Variants in XPO1 observed in about 807,000 individuals in gnomAD.
XPO1 encodes the protein exportin-1.
XPO1 carries 5 observed loss-of-function variants against 133.3 expected under a neutral mutation model. The ratio of observed to expected loss-of-function variants is 0.04; its 90% confidence interval spans 0.02 to 0.08. The LOEUF (loss-of-function observed/expected upper bound fraction) is 0.08, where lower values mean the gene tolerates loss of function less well. Among genes scored for constraint, XPO1 ranks in the 10% least tolerant of loss-of-function variants. The probability of loss-of-function intolerance (pLI) is 1.00; values close to 1 mark genes in which losing one functional copy is unlikely to be tolerated. For synonymous variants in XPO1, 419 were observed against 408.2 expected (o/e 1.03, Z -0.32); for missense variants, 506 against 1,267.5 (o/e 0.40, Z 9.12).
intron 4 of XPO1, among the ~76,000 whole-genome samples, chr2:61,515,139 A>C (rs566413978): frequency 2.0e-5 from 3 of 152,032 alleles, no homozygotes; most frequent in African/African-American, 7.2e-5. Flanking sequence ...CAACAAGCAC[A>C]TGTGAAGAGG....
intron 24 of XPO1, among the ~76,000 whole-genome samples, chr2:61,479,857 CCAGA>C (rs1665120634): frequency 2.0e-5 from 3 of 152,040 alleles, no homozygotes; most frequent in Admixed American, 1.3e-4. Context: ...GCCACTGCAC[CCAGA>C]CACTTTTTTC....
At position 61,478,272 on chromosome 2, in the gene XPO1, T is replaced by C. The variant is rs750141119; in HGVS notation, c.*548A>G. On this transcript the variant is annotated 3_prime_UTR_variant, in exon 25 of 25. Coordinates refer to ENST00000401558, the MANE Select transcript of XPO1 (RefSeq NM_003400.4). ...GAAGTCGCTTTACAATGGGATGATA[T>C]GCACATGATCTTGCTGCAATCTTGC... 71 of 233,822 alleles carry C rather than the reference T, an allele frequency of 3.0e-4. No individual in the cohort carries two copies. Among genetic ancestry groups the C allele is most frequent in the Middle Eastern group, 2.5e-3 (2 of 786 alleles). The allele number at this position is 233,822 out of a possible 1,614,324, so 14.5% of individuals were successfully genotyped here. A position where few individuals can be genotyped will look rare whatever the true frequency, so the allele number is the denominator to read the frequency against.
chr2:61,532,567 G>C (rs554069683), intron 2 of XPO1, among the ~76,000 whole-genome samples: 1 of 151,990 alleles, frequency 6.6e-6, no homozygotes, highest in Non-Finnish European at 1.5e-5. Flanking sequence ...GCCAGGCGCG[G>C]TGGCTCATGC....
At chr2:61,499,000 A>C (rs1697374435) in intron 7 of XPO1, 87 bp from the exon 8 acceptor site, 1 of 1,401,578 alleles carries the variant, frequency 7.1e-7, no homozygotes, top group East Asian at 2.5e-5. Context: ...AAATGATTAA[A>C]GCCCAGTACA....
chr2:61,521,193 A>T (rs1030666540), intron 4 of XPO1, among the ~76,000 whole-genome samples: 6 of 152,152 alleles, frequency 3.9e-5, no homozygotes, highest in Non-Finnish European at 5.9e-5. Context: ...TAATATTCTT[A>T]AAAAAAGACA....
At chr2:61,494,147 T>A in intron 11 of XPO1, 56 bp from the exon 12 acceptor site, 1 of 1,504,654 alleles carries the variant, frequency 6.6e-7, no homozygotes, top group Non-Finnish European at 9.1e-7. Flanking sequence ...AACTTCAAAT[T>A]GCTTTTCACT....
chr2:61,523,736 A>G (rs950183352), intron 3 of XPO1, among the ~76,000 whole-genome samples: 4 of 152,222 alleles, frequency 2.6e-5, no homozygotes, highest in African/African-American at 9.6e-5. Context: ...CAAAGGGATC[A>G]TGTGAATGCT....
intron 10 of XPO1, among the ~76,000 whole-genome samples, chr2:61,496,133 A>G (rs1558643668): frequency 6.6e-6 from 1 of 152,204 alleles, no homozygotes; most frequent in South Asian, 2.1e-4. Context: ...AAATTTTTCT[A>G]GTATTTCTCA....
Position 61,482,891 on chromosome 2 carries a change from G to C in XPO1, c.2812+66C>G, listed in dbSNP as rs749885740. 5 of 1,588,726 alleles carry C rather than the reference G, an allele frequency of 3.1e-6. No homozygotes were observed. The African/African-American group carries it at 6.8e-5, about 22-fold the overall frequency. Reference sequence around the variant, plus strand: ...CCCCGCCTCGACCTCCCAAAGTGCTGGGATTATAGGCGTGAGGCCCTGTGC... The same window carrying C: ...CCCCGCCTCGACCTCCCAAAGTGCTCGGATTATAGGCGTGAGGCCCTGTGC... On this transcript the variant is annotated intron_variant, in intron 22 of 24. Coordinates refer to ENST00000401558, the MANE Select transcript of XPO1 (RefSeq NM_003400.4).
chr2:61,479,504 A>G (rs1696229102), intron 24 of XPO1, among the ~76,000 whole-genome samples: 1 of 152,196 alleles, frequency 6.6e-6, no homozygotes, highest in Non-Finnish European at 1.5e-5. Context: ...ATAGTCTTCA[A>G]TGTGATTATT....
chr2:61,512,466 G>C (rs1698142382), intron 4 of XPO1, among the ~76,000 whole-genome samples: 1 of 152,180 alleles, frequency 6.6e-6, no homozygotes, highest in Admixed American at 6.5e-5. Flanking sequence ...TTGCAAAATT[G>C]AGGTGTTTTC....
At chr2:61,537,244 C>G (rs1175643867) in intron 1 of XPO1, 1 of 151,474 alleles carries the variant, frequency 6.6e-6, no homozygotes, top group Non-Finnish European at 1.5e-5. Flanking sequence ...GCCCCAGGGG[C>G]TGGGGAACCC....
intron 2 of XPO1, among the ~76,000 whole-genome samples, chr2:61,533,278 T>A (rs1433239855): frequency 1.3e-5 from 2 of 152,180 alleles, no homozygotes; most frequent in Non-Finnish European, 2.9e-5. Context: ...TTTAGTTGGG[T>A]TCAAAAAAAC....
chr2:61,515,069 TA>T lies in XPO1; in HGVS notation c.301+7541del, dbSNP rs10638897. ...GGGCGACAGAGTAGTGTGACTGTCT[TA>T]AAAAAAAAAAAAAAAAAATCCACAC... is the stretch of plus-strand genomic sequence containing the variant. On this transcript the variant is annotated intron_variant, in intron 4 of 24. Transcript: ENST00000401558. Among the ~76,000 whole-genome samples the T allele has an allele frequency of 3.9e-3, 503 of 127,348 alleles. 1 individual carries two copies. Among genetic ancestry groups the T allele is most frequent in the African/African-American group, 0.011 (373 of 33,462 alleles). 83.5% of individuals were successfully genotyped at this position (127,348 alleles called of 152,430 possible).
intron 4 of XPO1, among the ~76,000 whole-genome samples, chr2:61,507,243 C>CAAAAAAAAAAAAAAAAA (rs55737388): frequency 1.5e-5 from 1 of 65,498 alleles, no homozygotes; most frequent in African/African-American, 6.5e-5. Flanking sequence ...GACTCCATCT[C>CAAAAAAAAAAAAAAAAA]AAAAAAAAAA....
intron 1 of XPO1, among the ~76,000 whole-genome samples, chr2:61,535,936 C>G (rs1219281903): frequency 3.3e-5 from 5 of 152,100 alleles, no homozygotes; most frequent in African/African-American, 1.2e-4. Flanking sequence ...AAGCAATGTC[C>G]ACAAAGCACC....
intron 2 of XPO1, 31 bp downstream of exon 2, chr2:61,533,741 A>ACG (rs1699255932): frequency 6.5e-7 from 1 of 1,545,192 alleles, no homozygotes; most frequent in African/African-American, 1.4e-5. Flanking sequence ...ACACTGTCAT[A>ACG]ATGTTATAAA....
intron 18 of XPO1, 115 bp downstream of exon 18, chr2:61,488,473 T>C: frequency 1.6e-6 from 2 of 1,229,092 alleles, no homozygotes; most frequent in Non-Finnish European, 2.3e-6. Context: ...TAGGGTCATT[T>C]GGGAAATGGG....
intron 23 of XPO1, among the ~76,000 whole-genome samples, chr2:61,481,594 G>C (rs1408094432): frequency 1.1e-3 from 164 of 150,492 alleles, no homozygotes; most frequent in Non-Finnish European, 1.2e-3. Flanking sequence ...TTACAGGCAT[G>C]CACCACCATG....
Sources: allele counts gnomAD v4.1 joint callset (sites outside exome capture counted in the v4.1 genomes callset), GRCh38; gene constraint gnomAD v4.1.1; transcripts MANE v1.5; gene names NCBI Gene and HGNC (gene_info 2026-07-23, HGNC 2026-07-21).